The following MTMR2 variants were observed in gnomAD, a reference collection of about 807,000 sequenced individuals.
MTMR2 encodes myotubularin related protein 2, also known as phosphatidylinositol-3,5-bisphosphate 3-phosphatase MTMR2.
Under a neutral mutation model 86.9 loss-of-function variants are expected in MTMR2, and 55 were observed. The observed-to-expected ratio is 0.63, with a 90% CI of 0.51 to 0.79. The LOEUF (loss-of-function observed/expected upper bound fraction) is 0.79, where lower values mean the gene tolerates loss of function less well. Ranked by LOEUF, MTMR2 falls within the 30% of genes least tolerant of loss-of-function variation. The pLI is 0.00. For synonymous variants in MTMR2, 241 were observed against 266.8 expected (o/e 0.90, Z 0.94); for missense variants, 659 against 772.3 (o/e 0.85, Z 1.74).
At chr11:95,845,289 G>T in intron 10 of MTMR2, 130 bp from the exon 11 acceptor site, 1 of 874,938 alleles carries the variant, frequency 1.1e-6, no homozygotes, top group Non-Finnish European at 1.8e-6. Flanking sequence ...CCCTTCCTAA[G>T]AAGAATTTTT....
intron 2 of MTMR2, among the ~76,000 whole-genome samples, chr11:95,886,310 T>C (rs1865509450): frequency 6.6e-6 from 1 of 152,190 alleles, no homozygotes; most frequent in Non-Finnish European, 1.5e-5. Flanking sequence ...TTGCAATTTT[T>C]CTAAGAATCT....
At chr11:95,916,194 G>A (rs935901557) in intron 1 of MTMR2, among the ~76,000 whole-genome samples, 1 of 152,064 alleles carries the variant, frequency 6.6e-6, no homozygotes, top group Admixed American at 6.6e-5. Context: ...CTGTACCCAA[G>A]GGGAAAAGCT....
intron 1 of MTMR2, among the ~76,000 whole-genome samples, chr11:95,902,250 A>G (rs190347700): frequency 5.9e-5 from 9 of 152,226 alleles, no homozygotes; most frequent in Admixed American, 5.9e-4. Flanking sequence ...AGACAGGCCA[A>G]CCCATTTCCT....
At chr11:95,903,324 T>G (rs1436595345) in intron 1 of MTMR2, among the ~76,000 whole-genome samples, 1 of 152,184 alleles carries the variant, frequency 6.6e-6, no homozygotes, top group African/African-American at 2.4e-5. Flanking sequence ...TGTTCTCACT[T>G]CTCGCTTTTC....
chr11:95,920,552 T>A (rs1866882444), intron 1 of MTMR2, among the ~76,000 whole-genome samples: 1 of 151,380 alleles, frequency 6.6e-6, no homozygotes, highest in South Asian at 2.1e-4. Flanking sequence ...TACCTGGATA[T>A]CATATGAAGA....
intron 3 of MTMR2, among the ~76,000 whole-genome samples, chr11:95,862,830 T>C (rs1253137724): frequency 2.0e-5 from 3 of 152,212 alleles, no homozygotes; most frequent in Non-Finnish European, 2.9e-5. Flanking sequence ...CATATGTTAT[T>C]CCACAAACTC....
chr11:95,876,113 A>G (rs914562050), intron 2 of MTMR2, among the ~76,000 whole-genome samples: 2 of 151,676 alleles, frequency 1.3e-5, no homozygotes, highest in South Asian at 2.1e-4. Flanking sequence ...GAGAACCACT[A>G]CTCTCTTCAA....
At chr11:95,860,617 T>G (rs1864378324) in intron 5 of MTMR2, among the ~76,000 whole-genome samples, 1 of 152,234 alleles carries the variant, frequency 6.6e-6, no homozygotes, top group Non-Finnish European at 1.5e-5. Context: ...GCTGTTTCTT[T>G]TGGCACTGGC....
intron 7 of MTMR2, 119 bp downstream of exon 7, chr11:95,857,433 T>C: frequency 1.4e-6 from 1 of 722,378 alleles, no homozygotes; most frequent in Non-Finnish European, 2.5e-6. Context: ...CTTTAATCTC[T>C]TAATGTGGTG....
In MTMR2 at chr11:95,836,328, T is replaced by TC; in HGVS notation, c.1594-5_1594-4insG. On this transcript the variant is annotated splice_region_variant and splice_polypyrimidine_tract_variant and intron_variant, in intron 13 of 14. Coordinates refer to ENST00000346299, the MANE Select transcript of MTMR2 (RefSeq NM_016156.6). ...ACACAGTCCTTTTAGGAAGATTCTGTAGGCAGGAAAAATAGGTAAAGATTC... is the reference window on the plus strand; with the variant it reads ...ACACAGTCCTTTTAGGAAGATTCTGTCAGGCAGGAAAAATAGGTAAAGATTC... The TC allele has an allele frequency of 6.2e-7, 1 of 1,612,068 alleles. No homozygotes were observed. Among genetic ancestry groups the TC allele is most frequent in the East Asian group, 2.2e-5 (1 of 44,858 alleles).
chr11:95,888,084 T>C (rs1448685537), intron 2 of MTMR2, 72 bp downstream of exon 2: 1 of 1,105,900 alleles, frequency 9.0e-7, no homozygotes, highest in African/African-American at 1.6e-5. Context: ...GCTAAATTAG[T>C]TATATTGATA....
At chr11:95,888,720 TACACAC>T (rs139869459) in intron 1 of MTMR2, among the ~76,000 whole-genome samples, 6 of 136,716 alleles carry the variant, frequency 4.4e-5, no homozygotes, top group Admixed American at 4.2e-4. Flanking sequence ...CACACACACA[TACACAC>T]ACACACACAC....
rs546756365 is a variant in MTMR2 at position 95,865,637 on chromosome 11, G to C, written c.226C>G (p.Pro76Ala). The change falls in exon 3 of 15, where the codon CCA (proline) becomes GCA (alanine). Residue 76 changes from proline to alanine, a missense_variant. Coordinates refer to ENST00000346299, the MANE Select transcript of MTMR2 (RefSeq NM_016156.6). ...ATATTTTCTCCTGGAAGCAAGGGTG[G>C]TTCTTCCATTTCTGCTAACTTGTTA... ...ESNKLAEMEE[P>A]PLLPGENIKD... is the part of the protein sequence containing the mutation. 5 of 1,613,914 alleles carry C rather than the reference G, an allele frequency of 3.1e-6. No individual in the cohort carries two copies. In the South Asian group the frequency reaches 4.4e-5, roughly 14 times the overall value.
intron 2 of MTMR2, among the ~76,000 whole-genome samples, chr11:95,873,034 A>AT (rs1253596923): frequency 1.3e-5 from 2 of 152,002 alleles, no homozygotes; most frequent in African/African-American, 2.4e-5. Flanking sequence ...TTTATTGAGG[A>AT]TTTTTGCATC....
rs559285504 is a variant in MTMR2, at chr11:95,849,926, A to G, written c.805-64T>C. ...TTCTCTGTTTATAATTCTCAAAAAC[A>G]GTACTCAGTAAAGCTCTGCTTTCTA... On this transcript the variant is annotated intron_variant, in intron 8 of 14. Coordinates refer to ENST00000346299, the MANE Select transcript of MTMR2 (RefSeq NM_016156.6). 76 of 1,437,860 alleles carry G rather than the reference A, an allele frequency of 5.3e-5. No individual in the cohort carries two copies. In the African/African-American group the frequency reaches 9.1e-4, roughly 17 times the overall value. The allele number at this position is 1,437,860 out of a possible 1,614,324, so 89.1% of individuals were successfully genotyped here.
intron 10 of MTMR2, 25 bp downstream of exon 10, chr11:95,847,689 T>C: frequency 1.3e-6 from 2 of 1,588,568 alleles, no homozygotes; most frequent in African/African-American, 1.3e-5. Context: ...GAGTCTTTGT[T>C]TGGGATATAG....
chr11:95,874,423 C>G (rs1350515624), intron 2 of MTMR2, among the ~76,000 whole-genome samples: 1 of 151,882 alleles, frequency 6.6e-6, no homozygotes, highest in Non-Finnish European at 1.5e-5. Context: ...CAACCCCTGC[C>G]TTTTTTTGTT....
intron 2 of MTMR2, among the ~76,000 whole-genome samples, chr11:95,877,332 CTTTTTT>C (rs764782930): frequency 1.9e-5 from 2 of 106,272 alleles, no homozygotes; most frequent in Non-Finnish European, 3.7e-5. Flanking sequence ...CAGGGAAGCC[CTTTTTT>C]TTTTTTTTTT....
At chr11:95,922,835 C>T (rs1007974229) in intron 1 of MTMR2, among the ~76,000 whole-genome samples, 3 of 152,032 alleles carry the variant, frequency 2.0e-5, no homozygotes, top group African/African-American at 7.2e-5. Flanking sequence ...CAATAACTAC[C>T]CATATTTAGC....
Sources: gnomAD v4.1 joint callset for allele counts (sites outside exome capture counted in the v4.1 genomes callset) on GRCh38, gnomAD v4.1.1 for gene constraint, MANE v1.5 for transcripts, NCBI Gene and HGNC (gene_info 2026-07-23, HGNC 2026-07-21) for gene names.